KAZN: variants seen among roughly 807,000 people sequenced by gnomAD.
KAZN encodes the protein kazrin.
Under a neutral mutation model 87.4 loss-of-function variants are expected in KAZN, and 40 were observed. The observed-to-expected ratio is 0.46, with a 90% CI of 0.36 to 0.60. KAZN has a LOEUF of 0.60. Ranked by LOEUF, KAZN falls within the 20% of genes least tolerant of loss-of-function variation. The probability of loss-of-function intolerance (pLI) is 0.00; values close to 1 mark genes in which losing one functional copy is unlikely to be tolerated. For synonymous variants in KAZN, 466 were observed against 458.3 expected (o/e 1.02, Z -0.22); for missense variants, 898 against 1,073.9 (o/e 0.84, Z 2.29).
rs1289436334 is a variant in KAZN, at chr1:14,184,553, G to T, written c.249+3961G>T. On this transcript the variant is annotated intron_variant, in intron 2 of 16. Transcript: ENST00000636203. This position sits in a 1 kb window ranked among gnomAD's most constrained non-coding sequence, Gnocchi z 4.2. ...AGGGAAACCTGGCATTTAGGAGGCA[G>T]ATCGGGAGCCCTGCCAGGATCAGAC... Among the ~76,000 whole-genome samples, 1 of 152,196 alleles carries T rather than the reference G, an allele frequency of 6.6e-6. No individual in the cohort carries two copies. Among genetic ancestry groups the T allele is most frequent in the Non-Finnish European group, 1.5e-5 (1 of 68,030 alleles).
intron 2 of KAZN, among the ~76,000 whole-genome samples, chr1:14,391,784 G>A (rs1054272044): frequency 6.6e-6 from 1 of 152,096 alleles, no homozygotes; most frequent in Non-Finnish European, 1.5e-5. Context: ...TTGTGCTGGG[G>A]GCAGGGTATT....
intron 1 of KAZN, among the ~76,000 whole-genome samples, chr1:14,618,357 A>G (rs1448650662): frequency 6.6e-6 from 1 of 152,244 alleles, no homozygotes; most frequent in Non-Finnish European, 1.5e-5. Flanking sequence ...CATCAGGAAG[A>G]TGAGAAGAAT....
At chr1:14,533,443 G>A (rs1009174653) in intron 2 of KAZN, among the ~76,000 whole-genome samples, 1 of 152,144 alleles carries the variant, frequency 6.6e-6, no homozygotes, top group Non-Finnish European at 1.5e-5. Flanking sequence ...TTGGATATTG[G>A]TAGATTTTGA....
chr1:14,179,007 T>G (rs960389332), intron 1 of KAZN, among the ~76,000 whole-genome samples: 4 of 152,202 alleles, frequency 2.6e-5, no homozygotes, highest in African/African-American at 9.7e-5. Flanking sequence ...CTTTGGCTGG[T>G]GAGCATGTCA....
Position 15,060,496 on chromosome 1 carries a change from T to A in KAZN, c.1047+194T>A, listed in dbSNP as rs1638702328. On this transcript the variant is annotated intron_variant, in intron 6 of 14. Coordinates refer to ENST00000376030, the MANE Select transcript of KAZN (RefSeq NM_201628.3). ...TGGGGAGAAAAAGGAATGAGGCCCG[T>A]TTGCTCCTTGTGTCCGGGAGGGTGA... 2.1e-5 allele frequency: 16 copies of A among 746,166 alleles called. No individual in the cohort carries two copies. In the South Asian group the frequency reaches 2.9e-4, roughly 14 times the overall value. 46.2% of individuals were successfully genotyped at this position (746,166 alleles called of 1,614,324 possible). A position where few individuals can be genotyped will look rare whatever the true frequency, so the allele number is the denominator to read the frequency against.
chr1:14,979,684 G>T (rs1666036379), intron 2 of KAZN, among the ~76,000 whole-genome samples: 1 of 152,010 alleles, frequency 6.6e-6, no homozygotes, highest in South Asian at 2.1e-4. Context: ...GAGGACTTGT[G>T]GGGAGGCAGT....
intron 1 of KAZN, among the ~76,000 whole-genome samples, chr1:14,790,048 G>C (rs1645627894): frequency 6.6e-6 from 1 of 151,654 alleles, no homozygotes. Context: ...TGTTGCCCAG[G>C]CTGGAGTGCA....
At chr1:14,789,835 A>ATGTTTGCT (rs1341149465) in intron 1 of KAZN, among the ~76,000 whole-genome samples, 1 of 139,480 alleles carries the variant, frequency 7.2e-6, no homozygotes, top group Admixed American at 7.4e-5. Flanking sequence ...CACAGTTAAT[A>ATGTTTGCT]TGTTTGCTGA....
intron 1 of KAZN, among the ~76,000 whole-genome samples, chr1:14,917,284 G>A (rs1293806839): frequency 6.6e-6 from 1 of 152,166 alleles, no homozygotes; most frequent in Non-Finnish European, 1.5e-5. Context: ...GATGCACCTG[G>A]GGTCCCAGAG....
intron 1 of KAZN, among the ~76,000 whole-genome samples, chr1:14,091,333 G>A (rs1168733097): frequency 2.6e-5 from 4 of 152,036 alleles, no homozygotes; most frequent in Non-Finnish European, 4.4e-5. Context: ...AAATAGCAGA[G>A]CTCCTTTTGT....
At chr1:14,958,284 G>A (rs28537318) in intron 1 of KAZN, among the ~76,000 whole-genome samples, 6,343 of 152,256 alleles carry the variant, frequency 0.042, 430 homozygotes, top group African/African-American at 0.14. Context: ...TGGCATTCAC[G>A]GAGCACATCT....
At chr1:13,998,291 C>T (rs1374042944) in intron 1 of KAZN, among the ~76,000 whole-genome samples, 15 of 152,132 alleles carry the variant, frequency 9.9e-5, no homozygotes, top group African/African-American at 3.1e-4. Flanking sequence ...TAAAGACCAA[C>T]GACACTATGA....
At chr1:14,520,531 G>T (rs796115156) in intron 2 of KAZN, among the ~76,000 whole-genome samples, 18 of 152,312 alleles carry the variant, frequency 1.2e-4, no homozygotes, top group African/African-American at 4.1e-4. Context: ...TCCATAAAAA[G>T]CAGTGGCTCA....
At chr1:14,283,290 C>A (rs888686897) in intron 2 of KAZN, among the ~76,000 whole-genome samples, 1 of 152,146 alleles carries the variant, frequency 6.6e-6, no homozygotes, top group African/African-American at 2.4e-5. Context: ...TGAACTCCTG[C>A]TTGTCACAGC....
chr1:15,063,776 C>G (rs1048667414), intron 7 of KAZN, among the ~76,000 whole-genome samples, 154 bp downstream of exon 7: 81 of 151,602 alleles, frequency 5.3e-4, no homozygotes, highest in African/African-American at 1.9e-3. Context: ...TACTGCACAC[C>G]CAAGGCGGAG....
chr1:15,070,305 G>A (rs764615983), intron 8 of KAZN, among the ~76,000 whole-genome samples: 1 of 152,128 alleles, frequency 6.6e-6, no homozygotes, highest in Admixed American at 6.5e-5. Flanking sequence ...CCTTTTCCCC[G>A]CAGGCCCAGA....
At chr1:14,275,135 C>T (rs1249514006) in intron 2 of KAZN, among the ~76,000 whole-genome samples, 3 of 152,174 alleles carry the variant, frequency 2.0e-5, no homozygotes, top group Non-Finnish European at 2.9e-5. Flanking sequence ...TAGGACATTA[C>T]CAATATCTTG....
intron 2 of KAZN, among the ~76,000 whole-genome samples, chr1:15,012,075 T>G (rs1186200751): frequency 6.6e-6 from 1 of 152,176 alleles, no homozygotes; most frequent in East Asian, 1.9e-4. Flanking sequence ...GCAGGTCCCT[T>G]GCATGTGGAG....
At chr1:14,600,515 TG>T (rs527618852) in intron 1 of KAZN, among the ~76,000 whole-genome samples, 42 of 152,084 alleles carry the variant, frequency 2.8e-4, no homozygotes, top group South Asian at 6.2e-4. Context: ...TCTTAGGAAT[TG>T]GGGGGAGTAC....
Sources: gnomAD v4.1 joint callset for allele counts (sites outside exome capture counted in the v4.1 genomes callset) on GRCh38, gnomAD v4.1.1 for gene constraint, Gnocchi (gnomAD v3.1) non-coding constraint, MANE v1.5 for transcripts, NCBI Gene and HGNC (gene_info 2026-07-23, HGNC 2026-07-21) for gene names.